The following DLG2 variants were observed in gnomAD, a reference collection of about 807,000 sequenced individuals.
DLG2 encodes the protein discs large MAGUK scaffold protein 2.
A neutral mutation model predicts 132.5 loss-of-function variants in DLG2; 45 were observed. That is an observed-to-expected ratio of 0.34 (90% CI 0.27 to 0.44). DLG2 has a LOEUF of 0.44. Ranked by LOEUF, DLG2 falls within the 20% of genes least tolerant of loss-of-function variation. The pLI, the probability that DLG2 is intolerant of heterozygous loss-of-function variation, is 1.00. For missense variants in DLG2, 1,045 were observed against 1,196.9 expected (o/e 0.87, Z 1.87); for synonymous variants, 424 against 419.6 (o/e 1.01, Z -0.13).
chr11:83,947,866 T>C (rs790350), intron 14 of DLG2, among the ~76,000 whole-genome samples: 24,285 of 152,108 alleles, frequency 0.16, 2,264 homozygotes, highest in East Asian at 0.3. Context: ...TCACTTACTT[T>C]CTAATTGTCA....
intron 14 of DLG2, among the ~76,000 whole-genome samples, chr11:83,957,017 A>T (rs1329532190): frequency 1.3e-5 from 2 of 152,248 alleles, no homozygotes; most frequent in African/African-American, 4.8e-5. Flanking sequence ...GACTCGGAAG[A>T]AAAATAACGT....
chr11:83,605,449 C>T (rs1021555388), intron 19 of DLG2, among the ~76,000 whole-genome samples: 9 of 152,182 alleles, frequency 5.9e-5, no homozygotes, highest in Non-Finnish European at 1.3e-4. Context: ...ATTTCTAAAG[C>T]AGTGGGACCA....
At chr11:83,780,592 T>G (rs1172468318) in intron 18 of DLG2, among the ~76,000 whole-genome samples, 2 of 152,226 alleles carry the variant, frequency 1.3e-5, no homozygotes, top group South Asian at 2.1e-4. Flanking sequence ...TCACTGCTTC[T>G]AAACTCACTT....
intron 16 of DLG2, among the ~76,000 whole-genome samples, chr11:83,867,176 C>T (rs544681737): frequency 6.6e-6 from 1 of 152,042 alleles, no homozygotes; most frequent in Non-Finnish European, 1.5e-5. Flanking sequence ...AATAACAAAA[C>T]ACATACAAGT....
At chr11:84,707,918 C>T (rs547185539) in intron 6 of DLG2, among the ~76,000 whole-genome samples, 8 of 151,874 alleles carry the variant, frequency 5.3e-5, no homozygotes, top group South Asian at 4.2e-4. Flanking sequence ...GGTCAGTCCC[C>T]GGAAAATGCT....
intron 7 of DLG2, among the ~76,000 whole-genome samples, chr11:84,507,008 C>T (rs915675340): frequency 3.3e-5 from 5 of 152,156 alleles, no homozygotes; most frequent in African/African-American, 1.2e-4. Flanking sequence ...TTTATTATAG[C>T]TTAGTTTCCA....
intron 3 of DLG2, among the ~76,000 whole-genome samples, chr11:85,347,969 T>A: frequency 1.3e-4 from 4 of 30,364 alleles, no homozygotes; most frequent in African/African-American, 3.7e-4. Flanking sequence ...ACACTTAACT[T>A]TTTTTTTTTT....
At chr11:84,766,409 C>A (rs1245605847) in intron 6 of DLG2, among the ~76,000 whole-genome samples, 1 of 151,876 alleles carries the variant, frequency 6.6e-6, no homozygotes, top group African/African-American at 2.4e-5. Context: ...TTTTTCTTAT[C>A]ATCGCTCAGG....
chr11:85,319,712 T>A (rs1033623759), intron 3 of DLG2, among the ~76,000 whole-genome samples: 1 of 151,832 alleles, frequency 6.6e-6, no homozygotes, highest in African/African-American at 2.4e-5. Flanking sequence ...TGAGGCACCA[T>A]TCCTGGAGAA....
intron 18 of DLG2, among the ~76,000 whole-genome samples, chr11:83,717,910 T>G (rs2087146795): frequency 6.6e-6 from 1 of 152,212 alleles, no homozygotes; most frequent in East Asian, 1.9e-4. Context: ...ATCTTTTCTG[T>G]GTCCAAATGA....
intron 7 of DLG2, among the ~76,000 whole-genome samples, chr11:84,503,599 C>G (rs1468197981): frequency 6.6e-6 from 1 of 152,114 alleles, no homozygotes; most frequent in Non-Finnish European, 1.5e-5. Flanking sequence ...CCTCTGTGGC[C>G]AAGCTACCCT....
rs114359753 is a variant in DLG2 at position 84,607,253 on chromosome 11, C to T, written c.358-72522G>A. On this transcript the variant is annotated intron_variant, in intron 6 of 27. Transcript: ENST00000376104. The stretch of plus-strand genomic sequence containing the variant: ...TACGATAACTATTATATATTTTATG[C>T]TAACTCTTAAACAAGGTATTCTCTC... Among the ~76,000 whole-genome samples the T allele has an allele frequency of 2.3e-3, 355 of 152,236 alleles. 3 individuals are homozygous for T. Among genetic ancestry groups the T allele is most frequent in the African/African-American group, 8.3e-3 (345 of 41,552 alleles).
chr11:85,053,813 A>G (rs959988046), intron 6 of DLG2, among the ~76,000 whole-genome samples: 3 of 150,974 alleles, frequency 2.0e-5, no homozygotes, highest in Non-Finnish European at 4.4e-5. Flanking sequence ...AAAAAAAAAA[A>G]AAAAAAATTC....
chr11:84,673,552 G>C (rs1304908297), intron 6 of DLG2, among the ~76,000 whole-genome samples: 1 of 147,164 alleles, frequency 6.8e-6, no homozygotes, highest in African/African-American at 2.5e-5. Context: ...GGATTAGGTG[G>C]AAAGTTAAAA....
chr11:85,042,998 C>T (rs1566719554), intron 6 of DLG2, among the ~76,000 whole-genome samples: 1 of 151,790 alleles, frequency 6.6e-6, no homozygotes, highest in African/African-American at 2.4e-5. Flanking sequence ...TGAACCATTT[C>T]AGGCATATAA....
chr11:83,533,327 T>C (rs996925), intron 20 of DLG2, among the ~76,000 whole-genome samples: 7,473 of 152,322 alleles, frequency 0.049, 210 homozygotes, highest in Middle Eastern at 0.085. Flanking sequence ...ACCTCATTTA[T>C]TCATTAAACA....
chr11:84,659,992 T>C (rs574167806), intron 6 of DLG2, among the ~76,000 whole-genome samples: 111 of 152,270 alleles, frequency 7.3e-4, no homozygotes, highest in Non-Finnish European at 1.4e-3. Context: ...CTCCTGGCAT[T>C]GATGTCTGAC....
chr11:84,364,589 A>G (rs2098670643), intron 7 of DLG2, among the ~76,000 whole-genome samples: 1 of 152,148 alleles, frequency 6.6e-6, no homozygotes, highest in African/African-American at 2.4e-5. Context: ...GTCTTGTGCC[A>G]GTTTTCAAAG....
chr11:83,978,863 C>G (rs1379110343), intron 12 of DLG2, among the ~76,000 whole-genome samples: 1 of 152,008 alleles, frequency 6.6e-6, no homozygotes, highest in Non-Finnish European at 1.5e-5. Context: ...ACTAATGAAA[C>G]CATGTTGCAC....
Sources: allele counts gnomAD v4.1 joint callset (sites outside exome capture counted in the v4.1 genomes callset), GRCh38; gene constraint gnomAD v4.1.1; transcripts MANE v1.5; gene names NCBI Gene and HGNC (gene_info 2026-07-23, HGNC 2026-07-21).